Variants in ABI1 observed in about 807,000 individuals in gnomAD.
ABI1 encodes the protein abl interactor 1.
ABI1 carries 14 observed loss-of-function variants against 54.6 expected under a neutral mutation model. The ratio of observed to expected loss-of-function variants is 0.26; its 90% CI spans 0.17 to 0.40. The LOEUF is 0.40. Ranked by LOEUF, ABI1 falls within the 10% of genes least tolerant of loss-of-function variation. The probability of loss-of-function intolerance (pLI) is 1.00; values close to 1 mark genes in which losing one functional copy is unlikely to be tolerated. For synonymous variants in ABI1, 194 were observed against 209.3 expected (o/e 0.93, Z 0.63); for missense variants, 443 against 598.3 (o/e 0.74, Z 2.71).
At chr10:26,767,813 G>C (rs946666030) in intron 6 of ABI1, among the ~76,000 whole-genome samples, 1 of 152,098 alleles carries the variant, frequency 6.6e-6, no homozygotes, top group African/African-American at 2.4e-5. Flanking sequence ...TTGGGAGGCC[G>C]AGGTGGGTGG....
At chr10:26,772,050 C>T (rs1442119778) in intron 3 of ABI1, among the ~76,000 whole-genome samples, 1 of 151,438 alleles carries the variant, frequency 6.6e-6, no homozygotes, top group East Asian at 1.9e-4. Flanking sequence ...TTTCAGGTGG[C>T]CACAAGGCAG....
In ABI1 at chr10:26,747,966, A is replaced by G. The variant is rs1312828964; in HGVS notation, c.*604T>C. ...TTAGGTACAAATTACAACATTACAG[A>G]TAATTCTCTTTTTGCTTGTTTCACA... On this transcript the variant is annotated 3_prime_UTR_variant, in exon 11 of 11. Transcript: ENST00000376140. 1.8e-5 allele frequency: 3 copies of G among 168,358 alleles called. No homozygotes were observed. Among genetic ancestry groups the G allele is most frequent in the Non-Finnish European group, 3.3e-5 (3 of 91,188 alleles). 10.4% of individuals were successfully genotyped at this position (168,358 alleles called of 1,614,324 possible).
At chr10:26,818,631 C>CAAAAAAAAAAAAAAAA (rs376157276) in intron 2 of ABI1, among the ~76,000 whole-genome samples, 9 of 73,078 alleles carry the variant, frequency 1.2e-4, no homozygotes, top group East Asian at 4.1e-4. Context: ...GACCCCGTCA[C>CAAAAAAAAAAAAAAAA]AAAAAAAAAA....
At position 26,860,931 on chromosome 10, in the gene ABI1, C is replaced by T; in HGVS notation, c.-68G>A. On this transcript the variant is annotated 5_prime_UTR_variant, in exon 1 of 11. Coordinates refer to ENST00000376140, the MANE Select transcript of ABI1 (RefSeq NM_001012750.3). The surrounding 1 kb of genome is among the most constrained non-coding windows in gnomAD (Gnocchi z 4.1). ...GAGGCAGCAAGGTCCGCCGAGGCTC[C>T]GAGCACCTCACAGCCCGGATACAAA... is the stretch of plus-strand genomic sequence containing the variant. The T allele has an allele frequency of 6.9e-7, 1 of 1,440,950 alleles. No individual in the cohort carries two copies. The highest frequency in any genetic ancestry group is 9.7e-7 in the Non-Finnish European group (1 of 1,027,412). The allele number at this position is 1,440,950 out of a possible 1,614,324, so 89.3% of individuals were successfully genotyped here. A position where few individuals can be genotyped will look rare whatever the true frequency, so the allele number is the denominator to read the frequency against.
At chr10:26,783,233 T>C (rs573801113) in intron 2 of ABI1, among the ~76,000 whole-genome samples, 2 of 152,356 alleles carry the variant, frequency 1.3e-5, no homozygotes, top group South Asian at 2.1e-4. Flanking sequence ...ATTCCATTTA[T>C]ATGAGGTACT....
At chr10:26,751,282 C>A (rs1837593261) in intron 10 of ABI1, among the ~76,000 whole-genome samples, 1 of 152,170 alleles carries the variant, frequency 6.6e-6, no homozygotes, top group African/African-American at 2.4e-5. Flanking sequence ...AAAATCTTTA[C>A]TAATTACATA....
At chr10:26,827,820 T>C (rs549265911) in intron 1 of ABI1, among the ~76,000 whole-genome samples, 1 of 150,926 alleles carries the variant, frequency 6.6e-6, no homozygotes, top group Admixed American at 6.6e-5. Flanking sequence ...CTTGAACTCC[T>C]GTCCCTTGTG....
At chr10:26,754,395 T>C (rs987653206) in intron 9 of ABI1, among the ~76,000 whole-genome samples, 1 of 152,176 alleles carries the variant, frequency 6.6e-6, no homozygotes, top group Admixed American at 6.5e-5. Flanking sequence ...TTTGCACACA[T>C]TAGGGTTTTC....
intron 9 of ABI1, among the ~76,000 whole-genome samples, chr10:26,754,942 TC>T (rs200852558): frequency 4.9e-5 from 7 of 143,360 alleles, no homozygotes; most frequent in African/African-American, 1.4e-4. Flanking sequence ...AAATAACTTC[TC>T]CCCCCCCACA....
chr10:26,827,636 A>G (rs2048393234), intron 1 of ABI1, among the ~76,000 whole-genome samples: 2 of 143,190 alleles, frequency 1.4e-5, no homozygotes, highest in Non-Finnish European at 3.0e-5. Flanking sequence ...TCTGTCACTC[A>G]GGCTGGAGTG....
At chr10:26,857,741 T>A (rs1253871283) in intron 1 of ABI1, among the ~76,000 whole-genome samples, 1 of 145,130 alleles carries the variant, frequency 6.9e-6, no homozygotes, top group Non-Finnish European at 1.5e-5. Flanking sequence ...CTCAGCTACA[T>A]GGGAGGCTGA....
At chr10:26,753,503 C>T (rs1190875459) in intron 9 of ABI1, among the ~76,000 whole-genome samples, 1 of 152,180 alleles carries the variant, frequency 6.6e-6, no homozygotes, top group East Asian at 1.9e-4. Flanking sequence ...CATGTCTTAT[C>T]TTCAAATTAT....
chr10:26,814,243 T>C (rs1442768213), intron 2 of ABI1, among the ~76,000 whole-genome samples: 1 of 152,172 alleles, frequency 6.6e-6, no homozygotes, highest in Non-Finnish European at 1.5e-5. Context: ...AATCAGTGGA[T>C]CATCTATGAG....
intron 6 of ABI1, among the ~76,000 whole-genome samples, chr10:26,766,252 T>A (rs1460180912): frequency 2.0e-5 from 3 of 152,230 alleles, no homozygotes; most frequent in African/African-American, 7.2e-5. Flanking sequence ...TCCTCGCTAT[T>A]CTACTTCCTG....
chr10:26,842,148 A>C (rs932240437), intron 1 of ABI1, among the ~76,000 whole-genome samples: 4 of 152,174 alleles, frequency 2.6e-5, no homozygotes, highest in African/African-American at 9.7e-5. Flanking sequence ...GGTGACGCCC[A>C]CAGTGGTTTT....
At chr10:26,842,183 G>A (rs927183674) in intron 1 of ABI1, among the ~76,000 whole-genome samples, 1 of 152,176 alleles carries the variant, frequency 6.6e-6, no homozygotes, top group African/African-American at 2.4e-5. Context: ...CATGGCTAAT[G>A]CTGTTGAGTA....
At chr10:26,797,966 C>A (rs973443849) in intron 2 of ABI1, among the ~76,000 whole-genome samples, 1 of 152,036 alleles carries the variant, frequency 6.6e-6, no homozygotes, top group South Asian at 2.1e-4. Context: ...ATTAGATAAC[C>A]TGAAATCTCT....
Position 26,790,163 on chromosome 10 carries a change from G to A in ABI1, c.286-12922C>T, listed in dbSNP as rs951198275. On this transcript the variant is annotated intron_variant, in intron 2 of 10. Coordinates refer to ENST00000376140, the MANE Select transcript of ABI1 (RefSeq NM_001012750.3). ...GTATACACCCAGTAATGGGATTGCT[G>A]GGTCAAATGGTATTTCTGTCTCTAG... 3.9e-5 allele frequency among the ~76,000 whole-genome samples: 6 copies of A among 152,192 alleles called. No homozygotes were observed. In the East Asian group the frequency reaches 5.8e-4, roughly 15 times the overall value.
chr10:26,785,505 T>C lies in ABI1; in HGVS notation c.286-8264A>G, dbSNP rs189486322. Among the ~76,000 whole-genome samples the C allele has an allele frequency of 1.5e-3, 229 of 152,256 alleles. 1 individual carries two copies. Among genetic ancestry groups the C allele is most frequent in the African/African-American group, 5.3e-3 (219 of 41,558 alleles). On this transcript the variant is annotated intron_variant, in intron 2 of 10. Coordinates refer to ENST00000376140, the MANE Select transcript of ABI1 (RefSeq NM_001012750.3). Reference sequence around the variant, plus strand: ...GGGAGGCCGAGTAGGGCAGATCACCTGAGGTCAGGAGTTAGAGACCAGCCT... The same window carrying C: ...GGGAGGCCGAGTAGGGCAGATCACCCGAGGTCAGGAGTTAGAGACCAGCCT...
Sources: gnomAD v4.1 joint callset for allele counts (sites outside exome capture counted in the v4.1 genomes callset) on GRCh38, gnomAD v4.1.1 for gene constraint, Gnocchi (gnomAD v3.1) non-coding constraint, MANE v1.5 for transcripts, NCBI Gene and HGNC (gene_info 2026-07-23, HGNC 2026-07-21) for gene names.